GPR108: variants seen among roughly 807,000 people sequenced by gnomAD.
GPR108 encodes the protein protein GPR108.
A neutral mutation model predicts 74.3 loss-of-function variants in GPR108; 60 were observed. The ratio of observed to expected loss-of-function variants is 0.81; its 90% confidence interval spans 0.66 to 1.00. The LOEUF is 1.00. Ranked by LOEUF, GPR108 falls within the 50% of genes least tolerant of loss-of-function variation. GPR108 has a pLI of 0.00. For missense variants in GPR108, 667 were observed against 703.3 expected, an observed-to-expected ratio of 0.95 and a Z score of 0.58; for synonymous variants, 311 against 292.4, an observed-to-expected ratio of 1.06 and a Z score of -0.65.
At chr19:6,736,889 G>T in intron 1 of GPR108, 178 bp from the exon 2 acceptor site, 1 of 800,894 alleles carries the variant, frequency 1.2e-6, no homozygotes, top group Non-Finnish European at 1.9e-6. Flanking sequence ...GGGTGGTCCT[G>T]CATTCTCCGA....
intron 1 of GPR108, chr19:6,737,105 T>G (rs1968669482): frequency 2.6e-6 from 1 of 383,828 alleles, no homozygotes; most frequent in African/African-American, 2.1e-5. Context: ...CCCCACTCTA[T>G]AGCCCCCCAG....
At position 6,731,888 on chromosome 19, in the gene GPR108, C is replaced by T. The variant is rs746513385; in HGVS notation, c.1300+3G>A. The T allele has an allele frequency of 1.9e-6, 3 of 1,611,942 alleles. No individual in the cohort carries two copies. Among genetic ancestry groups the T allele is most frequent in the South Asian group, 2.2e-5 (2 of 90,786 alleles). ...CAGAGGGCCTGCAGGCGCAGGGCCT[C>T]ACCCTTCCCGTCTGTGCCAGACGCA... On this transcript the variant is annotated splice_donor_region_variant and intron_variant, in intron 14 of 17. Transcript: ENST00000264080.
At chr19:6,732,959 C>A (rs750137852) in intron 10 of GPR108, 28 bp downstream of exon 10, 2 of 1,555,586 alleles carry the variant, frequency 1.3e-6, no homozygotes, top group East Asian at 2.4e-5. Flanking sequence ...AGCCCACCCC[C>A]CGCTGCTCCC....
rs1196608083 is a variant in GPR108, at chr19:6,730,389, G to C, written c.1560-5C>G. 1.9e-6 allele frequency: 3 copies of C among 1,612,590 alleles called. No homozygotes were observed. Among genetic ancestry groups the C allele is most frequent in the Non-Finnish European group, 2.5e-6 (3 of 1,179,694 alleles). On this transcript the variant is annotated splice_region_variant and splice_polypyrimidine_tract_variant and intron_variant, in intron 17 of 17. Coordinates refer to ENST00000264080, the MANE Select transcript of GPR108 (RefSeq NM_001080452.2). ...CGGAACCCAGAGTCCGTCATTCTGG[G>C]GGCAGACAGCGAGGAGGCGTCTAGC...
At position 6,733,042 on chromosome 19, in the gene GPR108, T is replaced by C. The variant is rs1386573708; in HGVS notation, c.878A>G (p.His293Arg). Residue 293 changes from histidine (H) to arginine (R), a missense_variant, in exon 10 of 18, where the codon CAC becomes CGC. By Grantham distance (29) the His-to-Arg change is conservative. Coordinates refer to ENST00000264080, the MANE Select transcript of GPR108 (RefSeq NM_001080452.2). Reference sequence around the variant, plus strand: ...GAAGGCCAAGGCCGCCATGAGCCAGTGGATCTTGAAGACGCTGTACCTGGT... The same window carrying C: ...GAAGGCCAAGGCCGCCATGAGCCAGCGGATCTTGAAGACGCTGTACCTGGT... ...CRNTYSVFKI[H>R]WLMAALAFTK... The C allele has an allele frequency of 6.2e-7, 1 of 1,612,832 alleles. No individual in the cohort carries two copies. Among genetic ancestry groups the C allele is most frequent in the East Asian group, 2.2e-5 (1 of 44,814 alleles).
In GPR108 at chr19:6,732,556, G is replaced by A; in HGVS notation, c.934-7C>T. 3.7e-6 allele frequency: 6 copies of A among 1,612,636 alleles called. No homozygotes were observed. Among genetic ancestry groups the A allele is most frequent in the South Asian group, 3.3e-5 (3 of 91,044 alleles). On this transcript the variant is annotated splice_region_variant and splice_polypyrimidine_tract_variant and intron_variant, in intron 10 of 17. Transcript: ENST00000264080. ...TGATGAAGTAGTAGTTGATCTGGGG[G>A]TGGATGGACAGACGGACAGTGAGGC...
At chr19:6,730,904 C>G (rs1481787282) in intron 17 of GPR108, 83 bp downstream of exon 17, 2 of 984,414 alleles carry the variant, frequency 2.0e-6, no homozygotes, top group East Asian at 5.8e-5. Flanking sequence ...CAGTCCCTCC[C>G]CCCTGCCCAC....
chr19:6,729,959 GC>G lies in GPR108; in HGVS notation c.*352del, dbSNP rs573927745. On this transcript the variant is annotated 3_prime_UTR_variant, in exon 18 of 18. Coordinates refer to ENST00000264080, the MANE Select transcript of GPR108 (RefSeq NM_001080452.2). ...GAATATACAAAGACACGGACCCTGT[GC>G]CCGCGCCCCCGCCACACACAGCGAA... is the stretch of plus-strand genomic sequence containing the variant. 190 of 271,992 alleles carry G rather than the reference GC, an allele frequency of 7.0e-4. No homozygotes were observed. Among genetic ancestry groups the G allele is most frequent in the African/African-American group, 3.9e-3 (178 of 45,168 alleles). The allele number at this position is 271,992 out of a possible 1,614,324, so 16.8% of individuals were successfully genotyped here. A position where few individuals can be genotyped will look rare whatever the true frequency, so the allele number is the denominator to read the frequency against.
intron 10 of GPR108, 74 bp from the exon 11 acceptor site, chr19:6,732,623 G>T: frequency 8.7e-7 from 1 of 1,154,824 alleles, no homozygotes. Context: ...TGGGGGATTA[G>T]GAACACGGAC....
intron 10 of GPR108, 118 bp downstream of exon 10, chr19:6,732,869 A>G: frequency 2.3e-6 from 2 of 855,372 alleles, no homozygotes; most frequent in Middle Eastern, 3.5e-4. Flanking sequence ...AAATGGGTGG[A>G]CACGTGGATA....
chr19:6,732,039 C>T lies in GPR108; in HGVS notation c.1242G>A (p.Leu414=). 6.2e-7 allele frequency: 1 copy of T among 1,613,942 alleles called. No individual in the cohort carries two copies. The highest frequency in any genetic ancestry group is 1.1e-5 in the South Asian group (1 of 91,086). Residue 414 remains leucine, a synonymous_variant, in exon 13 of 18, where the codon CTG becomes CTA. Coordinates refer to ENST00000264080, the MANE Select transcript of GPR108 (RefSeq NM_001080452.2). The stretch of plus-strand genomic sequence containing the variant: ...AGGGTCCTCACCAGACTACGGGGAA[C>T]AGGATGGCACCACAGCAGATGAGGT... The part of the protein sequence containing the change: ...LVDLICCGAI[L]FPVVWSIRHL...
intron 17 of GPR108, 40 bp downstream of exon 17, chr19:6,730,947 C>A (rs780725361): frequency 6.3e-7 from 1 of 1,585,402 alleles, no homozygotes; most frequent in Non-Finnish European, 8.6e-7. Context: ...CCCTACTCCA[C>A]CCCCAGAGCC....
At position 6,732,168 on chromosome 19, in the gene GPR108, C is replaced by T. The variant is rs901496584; in HGVS notation, c.1126-13G>A. ...CGTTGGCCAGGACCTGCGCAGGCGG[C>T]GGGGGTGGGTGGGCACTGCCTGGCA... is the stretch of plus-strand genomic sequence containing the variant. On this transcript the variant is annotated splice_polypyrimidine_tract_variant and intron_variant, in intron 12 of 17. Transcript: ENST00000264080. 11 of 1,432,890 alleles carry T rather than the reference C, an allele frequency of 7.7e-6. No homozygotes were observed. Among genetic ancestry groups the T allele is most frequent in the South Asian group, 4.6e-5 (4 of 87,272 alleles). 88.8% of individuals were successfully genotyped at this position (1,432,890 alleles called of 1,614,324 possible).
intron 10 of GPR108, 188 bp downstream of exon 10, chr19:6,732,799 G>A (rs980024572): frequency 1.9e-4 from 124 of 654,074 alleles, no homozygotes; most frequent in Non-Finnish European, 2.8e-4. Context: ...GGACAGTGGT[G>A]GACAGAGCTG....
Position 6,731,097 on chromosome 19 carries a change from G to A in GPR108, c.1449C>T (p.Gly483=), listed in dbSNP as rs763748152. Residue 483 remains glycine, a synonymous_variant, in exon 17 of 18, where the codon GGC becomes GGT. Transcript: ENST00000264080. ...TGAGCACGAAGAAGGCCAGGGTGGAGCCCTCCACCAAGAGCTGGGGGACGG... is the reference window on the plus strand; with the variant it reads ...TGAGCACGAAGAAGGCCAGGGTGGAACCCTCCACCAAGAGCTGGGGGACGG... ...WQWLYQLLVE[G]STLAFFVLTG... 10 of 1,613,188 alleles carry A rather than the reference G, an allele frequency of 6.2e-6. No homozygotes were observed. Among genetic ancestry groups the A allele is most frequent in the East Asian group, 2.2e-5 (1 of 44,848 alleles).
At chr19:6,734,728 CAG>C (rs1491105575) in intron 4 of GPR108, among the ~76,000 whole-genome samples, 25 of 152,090 alleles carry the variant, frequency 1.6e-4, no homozygotes, top group African/African-American at 2.9e-4. Flanking sequence ...TTTCTAGAGA[CAG>C]GGGTCTCCCT....
Position 6,732,384 on chromosome 19 carries a change from A to C in GPR108, c.1008-4T>G. 1 of 1,613,404 alleles carries C rather than the reference A, an allele frequency of 6.2e-7. No individual in the cohort carries two copies. Among genetic ancestry groups the C allele is most frequent in the South Asian group, 1.1e-5 (1 of 91,082 alleles). The stretch of plus-strand genomic sequence containing the variant: ...GAAGAGGAGGGCGCCCTTCAGCCTG[A>C]AGGAGCAGGGGAGGGCGTGATGATG... On this transcript the variant is annotated splice_polypyrimidine_tract_variant and splice_region_variant and intron_variant, in intron 11 of 17. Transcript: ENST00000264080.
At chr19:6,735,473 A>T (rs1431807403) in intron 4 of GPR108, 149 bp downstream of exon 4, 1 of 681,262 alleles carries the variant, frequency 1.5e-6, no homozygotes, top group Non-Finnish European at 2.6e-6. Context: ...CCTTCCTTCC[A>T]ACAATCAGAA....
Position 6,735,825 on chromosome 19 carries a change from G to A in GPR108, c.291+83C>T, listed in dbSNP as rs1041691492. 1.3e-5 allele frequency: 20 copies of A among 1,531,996 alleles called. No individual in the cohort carries two copies. The East Asian group carries it at 4.6e-4, about 36-fold the overall frequency. The allele number at this position is 1,531,996 out of a possible 1,614,324, so 94.9% of individuals were successfully genotyped here. ...CTCCTGCCTCTGACAAAGAACAGGG[G>A]CCCTTGGGTTACAGATGCAGAGGAC... On this transcript the variant is annotated intron_variant, in intron 3 of 17. Coordinates refer to ENST00000264080, the MANE Select transcript of GPR108 (RefSeq NM_001080452.2).
Sources: allele counts gnomAD v4.1 joint callset (sites outside exome capture counted in the v4.1 genomes callset), GRCh38; gene constraint gnomAD v4.1.1; transcripts MANE v1.5; gene names NCBI Gene and HGNC (gene_info 2026-07-23, HGNC 2026-07-21).